The following DNAH8 variants were observed in gnomAD, a reference collection of about 807,000 sequenced individuals.
DNAH8 encodes axonemal beta dynein heavy chain 8.
DNAH8 carries 382 observed loss-of-function variants against 562.1 expected under a neutral mutation model. That is an observed-to-expected ratio of 0.68 (90% CI 0.63 to 0.74). The LOEUF (loss-of-function observed/expected upper bound fraction) is 0.74, where lower values mean the gene tolerates loss of function less well. Ranked by LOEUF, DNAH8 falls within the 30% of genes least tolerant of loss-of-function variation. The pLI, the probability that DNAH8 is intolerant of heterozygous loss-of-function variation, is 0.00. For missense variants in DNAH8, 5,203 were observed against 5,620.4 expected (o/e 0.93, Z 2.37); for synonymous variants, 1,881 against 1,919.4 (o/e 0.98, Z 0.52).
intron 62 of DNAH8, among the ~76,000 whole-genome samples, chr6:38,900,113 T>C (rs1320077853): frequency 1.3e-5 from 2 of 152,022 alleles, no homozygotes; most frequent in Non-Finnish European, 2.9e-5. Flanking sequence ...ACACTTCTTG[T>C]ATCCCAGAAG....
chr6:38,865,223 G>C (rs1308051316), intron 45 of DNAH8, among the ~76,000 whole-genome samples: 1 of 152,184 alleles, frequency 6.6e-6, no homozygotes, highest in Non-Finnish European at 1.5e-5. Flanking sequence ...GGATAAAGAT[G>C]ATAAATTATA....
intron 21 of DNAH8, among the ~76,000 whole-genome samples, chr6:38,801,695 A>G (rs1243803009): frequency 6.6e-6 from 1 of 152,222 alleles, no homozygotes; most frequent in Non-Finnish European, 1.5e-5. Flanking sequence ...AGGTCAGAAG[A>G]GTCGGTGGGT....
chr6:38,854,880 AATAT>A (rs1352239517), intron 41 of DNAH8, among the ~76,000 whole-genome samples: 2 of 149,416 alleles, frequency 1.3e-5, no homozygotes, highest in East Asian at 3.9e-4. Context: ...CTTTGTATTT[AATAT>A]ATATACATAT....
intron 27 of DNAH8, 151 bp from the exon 28 acceptor site, chr6:38,823,411 C>G: frequency 1.6e-6 from 1 of 614,826 alleles, no homozygotes; most frequent in Non-Finnish European, 2.8e-6. Context: ...AAATTCCTCG[C>G]TTCCTGGTGG....
At chr6:38,799,522 T>C (rs982476312) in intron 21 of DNAH8, among the ~76,000 whole-genome samples, 13 of 152,208 alleles carry the variant, frequency 8.5e-5, no homozygotes, top group Non-Finnish European at 1.8e-4. Context: ...ATCTTCACTT[T>C]CCCATCTCCT....
rs1380760164 is a variant in DNAH8, at chr6:38,974,367, A to G, written c.12679-7A>G. 3 of 1,596,620 alleles carry G rather than the reference A, an allele frequency of 1.9e-6. No homozygotes were observed. The highest frequency in any genetic ancestry group is 2.7e-5 in the African/African-American group (2 of 73,852). Reference sequence around the variant, plus strand: ...GAAACAAAAGCACTGTTTTCTTTTCATGACAGACCTCTCTCAAATTCACTA... The same window carrying G: ...GAAACAAAAGCACTGTTTTCTTTTCGTGACAGACCTCTCTCAAATTCACTA... On this transcript the variant is annotated splice_polypyrimidine_tract_variant and splice_region_variant and intron_variant, in intron 84 of 92. Coordinates refer to ENST00000327475, the MANE Select transcript of DNAH8 (RefSeq NM_001206927.2).
At chr6:38,803,544 C>T (rs1170468079) in intron 22 of DNAH8, among the ~76,000 whole-genome samples, 2 of 150,994 alleles carry the variant, frequency 1.3e-5, no homozygotes, top group African/African-American at 4.9e-5. Context: ...CCCGGTCCAG[C>T]GTTGCAAGTT....
intron 33 of DNAH8, among the ~76,000 whole-genome samples, chr6:38,841,741 A>G (rs567344760): frequency 1.3e-5 from 2 of 151,436 alleles, no homozygotes; most frequent in South Asian, 4.1e-4. Flanking sequence ...TTTTTTGGAT[A>G]GGATCTTGTT....
chr6:38,846,608 G>T (rs938441158), intron 36 of DNAH8, among the ~76,000 whole-genome samples: 3 of 152,142 alleles, frequency 2.0e-5, no homozygotes, highest in Admixed American at 2.0e-4. Context: ...ATATATAAAG[G>T]TCAAGGTCCT....
chr6:38,979,200 T>TG (rs1763877058), intron 85 of DNAH8, among the ~76,000 whole-genome samples: 1 of 152,234 alleles, frequency 6.6e-6, no homozygotes, highest in Admixed American at 6.5e-5. Flanking sequence ...CAGAAGCCTC[T>TG]GATTGAACGT....
chr6:38,833,790 TA>T lies in DNAH8; in HGVS notation c.4303-786del, dbSNP rs566636161. On this transcript the variant is annotated intron_variant, in intron 31 of 92. Transcript: ENST00000327475. ...ATTTATGAATTACTGTGTGCTCAGATAAACTTAAAAAAAAAATTATTGGGCC... is the reference window on the plus strand; with the variant it reads ...ATTTATGAATTACTGTGTGCTCAGATAACTTAAAAAAAAAATTATTGGGCC... Among the ~76,000 whole-genome samples the T allele has an allele frequency of 3.4e-3, 512 of 152,220 alleles. 4 individuals are homozygous for T. The highest frequency in any genetic ancestry group is 0.012 in the African/African-American group (490 of 41,540).
intron 33 of DNAH8, among the ~76,000 whole-genome samples, chr6:38,840,513 G>A (rs546730603): frequency 1.3e-5 from 2 of 152,212 alleles, no homozygotes; most frequent in South Asian, 4.1e-4. Flanking sequence ...TGCATGATAA[G>A]GCCCTTATTT....
chr6:39,029,296 C>T lies in DNAH8; in HGVS notation c.13837-809C>T, dbSNP rs974743709. 2.3e-4 allele frequency among the ~76,000 whole-genome samples: 35 copies of T among 152,100 alleles called. 1 individual carries two copies. The highest frequency in any genetic ancestry group is 2.0e-4 in the Admixed American group (3 of 15,270). ...CTCTCCTCTGTCTTTCCAAACACAG[C>T]CCCCTGCTGCAAGCCCATCAAGGCC... On this transcript the variant is annotated intron_variant, in intron 92 of 92. Transcript: ENST00000327475.
chr6:38,951,206 T>C, intron 81 of DNAH8, 112 bp from the exon 82 acceptor site: 1 of 876,300 alleles, frequency 1.1e-6, no homozygotes, highest in Non-Finnish European at 1.8e-6. Flanking sequence ...TGTGGAAAAG[T>C]AGGAATTAAC....
intron 49 of DNAH8, among the ~76,000 whole-genome samples, chr6:38,871,716 T>G (rs1777478400): frequency 6.6e-6 from 1 of 152,164 alleles, no homozygotes. Flanking sequence ...CTTGTACCAT[T>G]TCCACGTGCC....
intron 80 of DNAH8, among the ~76,000 whole-genome samples, chr6:38,946,249 T>A (rs1324898105): frequency 3.9e-5 from 6 of 152,202 alleles, no homozygotes; most frequent in Non-Finnish European, 7.3e-5. Context: ...TGGCTGCTAG[T>A]GACTGACAGA....
chr6:38,752,127 TA>T (rs1186112453), intron 9 of DNAH8, among the ~76,000 whole-genome samples: 2 of 151,296 alleles, frequency 1.3e-5, no homozygotes, highest in African/African-American at 4.9e-5. Context: ...TTCTTCAAGG[TA>T]TTCTCTAAGT....
At chr6:38,734,334 C>CA in intron 4 of DNAH8, 140 bp from the exon 5 acceptor site, 1 of 822,880 alleles carries the variant, frequency 1.2e-6, no homozygotes, top group Non-Finnish European at 1.7e-6. Context: ...AGACCCCCCC[C>CA]CAAAAAAATT....
chr6:38,782,922 T>G, intron 16 of DNAH8, 82 bp from the exon 17 acceptor site: 1 of 1,273,846 alleles, frequency 7.9e-7, no homozygotes, highest in Non-Finnish European at 1.1e-6. Flanking sequence ...TTGATATCAT[T>G]TTACATATAA....
Sources: gnomAD v4.1 joint callset for allele counts (sites outside exome capture counted in the v4.1 genomes callset) on GRCh38, gnomAD v4.1.1 for gene constraint, MANE v1.5 for transcripts, NCBI Gene and HGNC (gene_info 2026-07-23, HGNC 2026-07-21) for gene names.